LHFPL3: variants seen among roughly 807,000 people sequenced by gnomAD.
LHFPL3 encodes LHFPL tetraspan subfamily member 3, also known as LHFPL tetraspan subfamily member 3 protein.
In LHFPL3, 5 loss-of-function variants were observed where a neutral mutation model predicts 19.3. The ratio of observed to expected loss-of-function variants is 0.26; its 90% CI spans 0.14 to 0.54. The LOEUF (loss-of-function observed/expected upper bound fraction) is 0.54, where lower values mean the gene tolerates loss of function less well. Ranked by LOEUF, LHFPL3 falls within the 20% of genes least tolerant of loss-of-function variation. The pLI is 0.94. For synonymous variants in LHFPL3, 133 were observed against 126.2 expected, an observed-to-expected ratio of 1.05 and a Z score of -0.36; for missense variants, 249 against 307.4, an observed-to-expected ratio of 0.81 and a Z score of 1.42.
At chr7:104,853,665 A>G (rs1170826704) in intron 2 of LHFPL3, among the ~76,000 whole-genome samples, 1 of 152,228 alleles carries the variant, frequency 6.6e-6, no homozygotes, top group African/African-American at 2.4e-5. Flanking sequence ...CCACAACAAG[A>G]TGAGAGGGAC....
chr7:104,387,883 A>G (rs1790981306), intron 1 of LHFPL3, among the ~76,000 whole-genome samples: 1 of 152,138 alleles, frequency 6.6e-6, no homozygotes, highest in Admixed American at 6.6e-5. Flanking sequence ...AGATTATTTC[A>G]TCACCCAGCT....
At chr7:104,669,095 A>T in intron 1 of LHFPL3, 1 of 1,612,774 alleles carries the variant, frequency 6.2e-7, no homozygotes, top group South Asian at 1.1e-5. Context: ...GAAACACTCA[A>T]TAAGGAGGAA....
chr7:104,660,877 T>C (rs772955923), intron 1 of LHFPL3, among the ~76,000 whole-genome samples: 2 of 152,242 alleles, frequency 1.3e-5, no homozygotes, highest in Non-Finnish European at 2.9e-5. Context: ...TGGTCCTCTT[T>C]TCAGGACACT....
intron 1 of LHFPL3, among the ~76,000 whole-genome samples, chr7:104,351,366 AT>A (rs1299916723): frequency 6.6e-6 from 1 of 152,098 alleles, no homozygotes; most frequent in Non-Finnish European, 1.5e-5. Flanking sequence ...TAAAATACAC[AT>A]TTTTTAGTTT....
At chr7:104,467,369 C>T (rs560508089) in intron 1 of LHFPL3, among the ~76,000 whole-genome samples, 13 of 152,228 alleles carry the variant, frequency 8.5e-5, no homozygotes, top group Non-Finnish European at 1.3e-4. Flanking sequence ...GGGGTCTACT[C>T]GAGTGTCAGT....
chr7:104,442,505 G>GT (rs1292657921), intron 1 of LHFPL3, among the ~76,000 whole-genome samples: 1 of 152,154 alleles, frequency 6.6e-6, no homozygotes, highest in Non-Finnish European at 1.5e-5. Context: ...AAGAAAATAT[G>GT]TTTAACTCAG....
chr7:104,655,222 G>T (rs927013460), intron 1 of LHFPL3, among the ~76,000 whole-genome samples: 1 of 151,898 alleles, frequency 6.6e-6, no homozygotes, highest in Non-Finnish European at 1.5e-5. Flanking sequence ...CTGTCTCTTC[G>T]GTTGTCTGTT....
intron 1 of LHFPL3, among the ~76,000 whole-genome samples, chr7:104,458,261 A>C (rs964767208): frequency 6.6e-6 from 1 of 152,162 alleles, no homozygotes; most frequent in Non-Finnish European, 1.5e-5. Context: ...CTAACGTTTA[A>C]GTCTTTAATC....
chr7:104,507,256 A>G (rs1455481958), intron 1 of LHFPL3, among the ~76,000 whole-genome samples: 1 of 149,806 alleles, frequency 6.7e-6, no homozygotes, highest in Non-Finnish European at 1.5e-5. Flanking sequence ...GTACCAAAAC[A>G]GAGATATAGA....
chr7:104,329,238 C>CA lies in LHFPL3; in HGVS notation c.445+15dup. 1 of 1,583,842 alleles carries CA rather than the reference C, an allele frequency of 6.3e-7. No individual in the cohort carries two copies. The highest frequency in any genetic ancestry group is 1.1e-5 in the South Asian group (1 of 87,402). On this transcript the variant is annotated intron_variant, in intron 1 of 2. Transcript: ENST00000424859. The stretch of plus-strand genomic sequence containing the variant: ...AGCTCACCTCCGGTGAGTGCGCGCT[C>CA]ACCTCCGCGGAGGCGGAGGACCCCG...
At chr7:104,762,869 C>T (rs536301542) in intron 2 of LHFPL3, among the ~76,000 whole-genome samples, 3 of 152,202 alleles carry the variant, frequency 2.0e-5, no homozygotes, top group East Asian at 1.9e-4. Context: ...CAAGACCCCA[C>T]GCAAGCCTGG....
chr7:104,511,951 T>TC (rs1453525527), intron 1 of LHFPL3, among the ~76,000 whole-genome samples: 2 of 147,046 alleles, frequency 1.4e-5, no homozygotes, highest in Non-Finnish European at 3.0e-5. Flanking sequence ...TTTCTTTTTT[T>TC]TTTTTTTTTT....
At chr7:104,876,150 A>C (rs1015308726) in intron 2 of LHFPL3, among the ~76,000 whole-genome samples, 1 of 152,190 alleles carries the variant, frequency 6.6e-6, no homozygotes, top group Non-Finnish European at 1.5e-5. Context: ...TAAAGACTTA[A>C]ATGTTAGACC....
chr7:104,735,358 G>A (rs1315332169), intron 1 of LHFPL3, among the ~76,000 whole-genome samples: 1 of 152,350 alleles, frequency 6.6e-6, no homozygotes. Context: ...GCTGCGGTGG[G>A]CTCCACCCAG....
chr7:104,556,295 GT>G (rs1188169965), intron 1 of LHFPL3, among the ~76,000 whole-genome samples: 1 of 152,178 alleles, frequency 6.6e-6, no homozygotes, highest in African/African-American at 2.4e-5. Flanking sequence ...CTCCATGAGG[GT>G]CCCCCCCCTG....
intron 2 of LHFPL3, among the ~76,000 whole-genome samples, chr7:104,805,789 C>T (rs1790349127): frequency 6.6e-6 from 1 of 152,190 alleles, no homozygotes; most frequent in Non-Finnish European, 1.5e-5. Flanking sequence ...TCCCAAACCC[C>T]TCTCTTCTCA....
chr7:104,808,778 T>TACCATTAA (rs1790414211), intron 2 of LHFPL3, among the ~76,000 whole-genome samples: 1 of 152,076 alleles, frequency 6.6e-6, no homozygotes, highest in Non-Finnish European at 1.5e-5. Flanking sequence ...CAAAGATTAT[T>TACCATTAA]ACCATTAAGA....
chr7:104,499,667 T>A (rs10262574), intron 1 of LHFPL3, among the ~76,000 whole-genome samples: 19 of 152,204 alleles, frequency 1.2e-4, no homozygotes, highest in African/African-American at 4.3e-4. Flanking sequence ...TAGTGACGAG[T>A]AATAAGATGA....
At chr7:104,492,448 C>T (rs908465287) in intron 1 of LHFPL3, among the ~76,000 whole-genome samples, 2 of 152,178 alleles carry the variant, frequency 1.3e-5, no homozygotes, top group African/African-American at 4.8e-5. Context: ...ATGTCAGACC[C>T]GGGACCATGT....
Sources: gnomAD v4.1 joint callset for allele counts (sites outside exome capture counted in the v4.1 genomes callset) on GRCh38, gnomAD v4.1.1 for gene constraint, MANE v1.5 for transcripts, NCBI Gene and HGNC (gene_info 2026-07-23, HGNC 2026-07-21) for gene names.